The following CSNK2A1 variants were observed in gnomAD, a reference collection of about 807,000 sequenced individuals.
CSNK2A1 encodes the protein casein kinase II subunit alpha.
Under a neutral mutation model 62.9 loss-of-function variants are expected in CSNK2A1, and 10 were observed. That is an observed-to-expected ratio of 0.16 (90% CI 0.10 to 0.27). The LOEUF is 0.27. CSNK2A1 is among the 10% of genes least tolerant of loss of function. CSNK2A1 has a pLI of 1.00. For synonymous variants in CSNK2A1, 124 were observed against 167.8 expected (o/e 0.74, Z 2.02); for missense variants, 160 against 492.0 (o/e 0.33, Z 6.38).
chr20:502,414 G>C (rs910371996), intron 4 of CSNK2A1: 2 of 152,046 alleles, frequency 1.3e-5, no homozygotes, highest in Non-Finnish European at 2.9e-5. Context: ...AAAAGCTTCT[G>C]GTTGACAAAA....
Position 482,559 on chromosome 20 carries a change from T to C in CSNK2A1, c.*1402A>G, listed in dbSNP as rs1383861230. 1.3e-5 allele frequency: 2 copies of C among 152,214 alleles called. No individual in the cohort carries two copies. The highest frequency in any genetic ancestry group is 2.9e-5 in the Non-Finnish European group (2 of 68,044). The allele number at this position is 152,214 out of a possible 1,614,324, so 9.4% of individuals were successfully genotyped here. On this transcript the variant is annotated 3_prime_UTR_variant, in exon 14 of 14. Transcript: ENST00000217244. ...TTTAAGGCCTCTCTGCTCTGCCCGG[T>C]ACCATGGGTCGAACGAGGGGTGTAT...
chr20:542,587 C>T (rs567310813), intron 1 of CSNK2A1, among the ~76,000 whole-genome samples: 3 of 152,102 alleles, frequency 2.0e-5, no homozygotes, highest in Non-Finnish European at 2.9e-5. Context: ...CGCGCGCCAC[C>T]AAGCCCGGCT....
rs144705111 is a variant in CSNK2A1 at position 499,433 on chromosome 20, A to G, written c.316-128T>C. ...TCGCCTCAGTAGTAAGAAACCCTCT[A>G]TTGCTACAAGCCCTCCCCGCTCTGA... On this transcript the variant is annotated intron_variant, in intron 5 of 13. Transcript: ENST00000217244. This position sits in a 1 kb window ranked among gnomAD's most constrained non-coding sequence, Gnocchi z 4.2. 2.6e-3 allele frequency: 1,938 copies of G among 750,522 alleles called. 7 individuals carry two copies. The highest frequency in any genetic ancestry group is 3.6e-3 in the Non-Finnish European group (1,703 of 472,888). 46.5% of individuals were successfully genotyped at this position (750,522 alleles called of 1,614,324 possible). A position where few individuals can be genotyped will look rare whatever the true frequency, so the allele number is the denominator to read the frequency against.
In CSNK2A1 at chr20:478,893, C is replaced by G; in HGVS notation, c.*5068G>C. Reference sequence around the variant, plus strand: ...AGTGAGCTGTGATGGCGCTACTGCACTCTAGCCTGGGTAACAGAGCAAGAC... The same window carrying G: ...AGTGAGCTGTGATGGCGCTACTGCAGTCTAGCCTGGGTAACAGAGCAAGAC... On this transcript the variant is annotated 3_prime_UTR_variant, in exon 14 of 14. Transcript: ENST00000217244. 1 of 207,222 alleles carries G rather than the reference C, an allele frequency of 4.8e-6. No homozygotes were observed. Among genetic ancestry groups the G allele is most frequent in the East Asian group, 1.8e-4 (1 of 5,498 alleles). The allele number at this position is 207,222 out of a possible 1,614,324, so 12.8% of individuals were successfully genotyped here. A position where few individuals can be genotyped will look rare whatever the true frequency, so the allele number is the denominator to read the frequency against.
At chr20:536,122 T>C (rs2019317655) in intron 1 of CSNK2A1, among the ~76,000 whole-genome samples, 2 of 151,426 alleles carry the variant, frequency 1.3e-5, no homozygotes, top group Admixed American at 1.3e-4. Context: ...GTAATTGAGG[T>C]AATCTACACT....
At chr20:536,579 A>G (rs1204790917) in intron 1 of CSNK2A1, among the ~76,000 whole-genome samples, 1 of 152,140 alleles carries the variant, frequency 6.6e-6, no homozygotes, top group African/African-American at 2.4e-5. Flanking sequence ...AACTTCCCCA[A>G]ACTCAAAGTG....
chr20:504,963 GC>G, intron 4 of CSNK2A1, 154 bp downstream of exon 4: 1 of 619,308 alleles, frequency 1.6e-6, no homozygotes, highest in Non-Finnish European at 2.7e-6. Context: ...TGTCAAATAA[GC>G]AGAACTTGTT....
intron 2 of CSNK2A1, among the ~76,000 whole-genome samples, chr20:519,783 TAA>T (rs769980999): frequency 2.6e-5 from 4 of 151,384 alleles, no homozygotes; most frequent in Non-Finnish European, 5.9e-5. Flanking sequence ...AAAGAAAAAA[TAA>T]AGAGCAAAAA....
chr20:525,468 T>C (rs372555140), intron 2 of CSNK2A1, among the ~76,000 whole-genome samples: 20 of 151,362 alleles, frequency 1.3e-4, no homozygotes, highest in East Asian at 7.8e-4. Context: ...CTGGCTAACA[T>C]GGTGAAACCC....
chr20:541,087 C>T (rs1260653786), intron 1 of CSNK2A1: 1 of 152,298 alleles, frequency 6.6e-6, no homozygotes, highest in Middle Eastern at 3.4e-3. Flanking sequence ...ATAAACTTTC[C>T]ATGTGGTCCT....
intron 10 of CSNK2A1, 165 bp from the exon 11 acceptor site, chr20:488,943 C>T (rs1464363778): frequency 1.9e-5 from 11 of 568,562 alleles, no homozygotes; most frequent in Non-Finnish European, 3.2e-5. Flanking sequence ...TTAGAAAAAG[C>T]AAACTACTTT....
At chr20:506,050 G>T (rs1040650797) in intron 3 of CSNK2A1, 1 of 151,382 alleles carries the variant, frequency 6.6e-6, no homozygotes, top group East Asian at 2.0e-4. Context: ...TAATTTTTTT[G>T]TATTTTTAGT....
Position 480,339 on chromosome 20 carries a change from A to G in CSNK2A1, c.*3622T>C, listed in dbSNP as rs774166974. The G allele has an allele frequency of 1.4e-5, 2 of 145,450 alleles. No individual in the cohort carries two copies. Among genetic ancestry groups the G allele is most frequent in the Non-Finnish European group, 2.9e-5 (2 of 67,828 alleles). The allele number at this position is 145,450 out of a possible 1,614,324, so 9.0% of individuals were successfully genotyped here. ...AACTACAATTTATTAAGCACCTATT[A>G]TTACAAGCCAAGTAGGGTGTTAAAT... On this transcript the variant is annotated 3_prime_UTR_variant, in exon 14 of 14. Coordinates refer to ENST00000217244, the MANE Select transcript of CSNK2A1 (RefSeq NM_177559.3).
At chr20:505,078 C>G in intron 4 of CSNK2A1, 40 bp downstream of exon 4, 2 of 1,519,068 alleles carry the variant, frequency 1.3e-6, no homozygotes, top group Non-Finnish European at 1.8e-6. Context: ...TTTTAAAAAT[C>G]TATATTCCAA....
In CSNK2A1 at chr20:484,029, A is replaced by G. The variant is rs2018013018; in HGVS notation, c.1108T>C (p.Ser370Pro). 1.9e-6 allele frequency: 3 copies of G among 1,612,056 alleles called. No homozygotes were observed. The highest frequency in any genetic ancestry group is 2.5e-6 in the Non-Finnish European group (3 of 1,179,136). ...GGGTTGGCAGCAGCAATCACTGGTG[A>G]GCCTGCCAGAGGTCCAAGGGGTGAA... ...TPSPLGPLAG[S>P]PVIAAANPLG... Residue 370 changes from serine (S) to proline (P), a missense_variant, in exon 14 of 14, where the codon TCA becomes CCA. By Grantham distance (74) the Ser-to-Pro change is moderately conservative (BLOSUM62 -1). Around this residue, in one of 3 missense-constraint regions of CSNK2A1, gnomAD observed 51 missense variants for 108.8 expected, o/e 0.47. Transcript: ENST00000217244.
intron 9 of CSNK2A1, among the ~76,000 whole-genome samples, chr20:490,335 C>CTTTTTTTTTTTTTTTTTTTTTTTTT (rs907727482): frequency 1.2e-5 from 1 of 84,798 alleles, no homozygotes; most frequent in African/African-American, 5.5e-5. Context: ...CTAGTTTTTT[C>CTTTTTTTTTTTTTTTTTTTTTTTTT]TTTTTTTTTT....
At chr20:490,360 T>C (rs1196048169) in intron 9 of CSNK2A1, among the ~76,000 whole-genome samples, 2 of 142,300 alleles carry the variant, frequency 1.4e-5, no homozygotes, top group Non-Finnish European at 3.0e-5. Context: ...TTAGTTTTTT[T>C]TTTAGTTTTT....
At position 478,475 on chromosome 20, in the gene CSNK2A1, T is replaced by A. The variant is rs903234387; in HGVS notation, c.*5486A>T. Reference sequence around the variant, plus strand: ...CAGCATTTTTTTCCCTTTTTCTCATTACAGGAGCCAAGAAAACTGTCAAAG... The same window carrying A: ...CAGCATTTTTTTCCCTTTTTCTCATAACAGGAGCCAAGAAAACTGTCAAAG... On this transcript the variant is annotated 3_prime_UTR_variant, in exon 14 of 14. Coordinates refer to ENST00000217244, the MANE Select transcript of CSNK2A1 (RefSeq NM_177559.3). 46 of 226,652 alleles carry A rather than the reference T, an allele frequency of 2.0e-4. No homozygotes were observed. Among genetic ancestry groups the A allele is most frequent in the Admixed American group, 7.0e-4 (12 of 17,038 alleles). The allele number at this position is 226,652 out of a possible 1,614,324, so 14.0% of individuals were successfully genotyped here.
intron 4 of CSNK2A1, chr20:503,819 A>G: frequency 2.5e-6 from 1 of 397,268 alleles, no homozygotes; most frequent in Non-Finnish European, 4.4e-6. Flanking sequence ...TATAAGAACA[A>G]ATTTAACTTT....
Sources: allele counts gnomAD v4.1 joint callset (sites outside exome capture counted in the v4.1 genomes callset), GRCh38; gene constraint gnomAD v4.1.1; regional missense constraint gnomAD v4.1.1; non-coding constraint Gnocchi (gnomAD v3.1); transcripts MANE v1.5; gene names NCBI Gene and HGNC (gene_info 2026-07-23, HGNC 2026-07-21).